The following XXYLT1 variants were observed in gnomAD, a reference collection of about 807,000 sequenced individuals.
XXYLT1 encodes the protein UDP-xylose:alpha-xyloside alpha-1,3-xylosyltransferase.
XXYLT1 carries 20 observed loss-of-function variants against 28.9 expected under a neutral mutation model. The ratio of observed to expected loss-of-function variants is 0.69; its 90% CI spans 0.49 to 1.00. The LOEUF (loss-of-function observed/expected upper bound fraction) is 1.00. XXYLT1 is among the 50% of genes least tolerant of loss of function. XXYLT1 has a pLI of 0.00. For missense variants in XXYLT1, 542 were observed against 560.1 expected (o/e 0.97, Z 0.33); for synonymous variants, 257 against 253.8 (o/e 1.01, Z -0.12).
At chr3:195,177,936 TAAAAAAAAAA>T (rs56022005) in intron 2 of XXYLT1, among the ~76,000 whole-genome samples, 3 of 115,654 alleles carry the variant, frequency 2.6e-5, no homozygotes, top group African/African-American at 3.6e-5. Context: ...CTCTGTCTCT[TAAAAAAAAAA>T]AAAAAAAAAA....
Position 195,226,852 on chromosome 3 carries a change from A to C in XXYLT1, c.509T>G (p.Ile170Ser). 6.2e-7 allele frequency: 1 copy of C among 1,613,398 alleles called. No homozygotes were observed. The highest frequency in any genetic ancestry group is 2.2e-5 in the East Asian group (1 of 44,850). The change falls in exon 2 of 4, where the codon ATC (isoleucine) becomes AGC (serine). Residue 170 changes from isoleucine (I) to serine (S), a missense_variant. Transcript: ENST00000310380. ...CGTCAGCACAGCAACATCGTGGAAG[A>C]TGACCTGCAGCAGGTGCAAAAAAAA... ...PPAAGFKCKVIFHDVAVLTDK... is the reference protein window; with the variant it reads ...PPAAGFKCKVSFHDVAVLTDK...
chr3:195,079,267 T>G (rs1477772091), intron 3 of XXYLT1, among the ~76,000 whole-genome samples: 4 of 151,902 alleles, frequency 2.6e-5, no homozygotes, highest in Non-Finnish European at 4.4e-5. Flanking sequence ...GGGGAGCGTA[T>G]GAACAGCAGA....
intron 2 of XXYLT1, chr3:195,214,677 A>G (rs927746491): frequency 5.9e-5 from 9 of 152,210 alleles, no homozygotes; most frequent in South Asian, 2.1e-4. Context: ...GGAATCTCCA[A>G]TCCTTATCCA....
rs112493079 is a variant in XXYLT1 at position 195,078,368 on chromosome 3, G to T, written c.786-8257C>A. Reference sequence around the variant, plus strand: ...CACTGACAGCCGAGAGGCCCGTAGCGAGTCAGGCCATGGGGGCCTTTTCTG... The same window carrying T: ...CACTGACAGCCGAGAGGCCCGTAGCTAGTCAGGCCATGGGGGCCTTTTCTG... On this transcript the variant is annotated intron_variant, in intron 3 of 3. Coordinates refer to ENST00000310380, the MANE Select transcript of XXYLT1 (RefSeq NM_152531.5). The surrounding 1 kb of genome is among the most constrained non-coding windows in gnomAD (Gnocchi z 5.0). Among the ~76,000 whole-genome samples the T allele has an allele frequency of 6.6e-6, 1 of 152,082 alleles. No individual in the cohort carries two copies. The highest frequency in any genetic ancestry group is 2.1e-4 in the South Asian group (1 of 4,826).
intron 2 of XXYLT1, among the ~76,000 whole-genome samples, chr3:195,213,422 G>A (rs1032052686): frequency 6.6e-5 from 10 of 152,236 alleles, no homozygotes; most frequent in African/African-American, 2.4e-4. Context: ...GCGCCACCAT[G>A]CCCAGCTAAT....
At position 195,107,474 on chromosome 3, in the gene XXYLT1, C is replaced by CAAAA. The variant is rs372671595; in HGVS notation, c.786-37367_786-37364dup. Among the ~76,000 whole-genome samples the CAAAA allele has an allele frequency of 6.6e-5, 3 of 45,708 alleles. 1 individual carries two copies. Among genetic ancestry groups the CAAAA allele is most frequent in the East Asian group, 1.3e-3 (2 of 1,528 alleles). The allele number at this position is 45,708 out of a possible 152,430, so 30.0% of individuals were successfully genotyped here. A position where few individuals can be genotyped will look rare whatever the true frequency, so the allele number is the denominator to read the frequency against. On this transcript the variant is annotated intron_variant, in intron 3 of 3. Coordinates refer to ENST00000310380, the MANE Select transcript of XXYLT1 (RefSeq NM_152531.5). The stretch of plus-strand genomic sequence containing the variant: ...GGGCAACAAGAGCAAAACTCCGTCT[C>CAAAA]AAAAAAAAAAAAAAAAGGAAGAAAG...
intron 2 of XXYLT1, among the ~76,000 whole-genome samples, chr3:195,202,982 G>T (rs1306688219): frequency 6.6e-6 from 1 of 151,942 alleles, no homozygotes; most frequent in Admixed American, 6.6e-5. Context: ...ATTAAAAAAA[G>T]AAATTTTGTA....
chr3:195,184,242 G>C (rs924265120), intron 2 of XXYLT1, among the ~76,000 whole-genome samples: 11 of 152,122 alleles, frequency 7.2e-5, no homozygotes, highest in African/African-American at 2.7e-4. Flanking sequence ...AAGAACAATG[G>C]ACAAGCTTGG....
intron 3 of XXYLT1, among the ~76,000 whole-genome samples, chr3:195,101,163 C>A (rs1193298946): frequency 2.6e-5 from 4 of 152,264 alleles, no homozygotes; most frequent in Non-Finnish European, 4.4e-5. Context: ...AATATGTCAC[C>A]TTCAGAGCCG....
chr3:195,164,902 G>C (rs540428048), intron 2 of XXYLT1, among the ~76,000 whole-genome samples: 3 of 152,028 alleles, frequency 2.0e-5, no homozygotes, highest in Non-Finnish European at 2.9e-5. Flanking sequence ...GATGGAGTCC[G>C]TTATGGGAAG....
intron 2 of XXYLT1, among the ~76,000 whole-genome samples, chr3:195,156,935 C>A (rs1490117849): frequency 6.6e-6 from 1 of 152,048 alleles, no homozygotes; most frequent in Non-Finnish European, 1.5e-5. Context: ...ATGTGGACAC[C>A]CTGCTTCCCT....
intron 3 of XXYLT1, among the ~76,000 whole-genome samples, chr3:195,151,556 T>C (rs1402697338): frequency 1.3e-5 from 2 of 151,810 alleles, no homozygotes; most frequent in Admixed American, 1.3e-4. Flanking sequence ...TAAAAAAATT[T>C]AAATTTCAAT....
At chr3:195,082,049 G>A (rs1715463674) in intron 3 of XXYLT1, among the ~76,000 whole-genome samples, 1 of 152,192 alleles carries the variant, frequency 6.6e-6, no homozygotes, top group Non-Finnish European at 1.5e-5. Context: ...CATTCCAAGT[G>A]CGTGATTACA....
chr3:195,080,858 C>T (rs773276610), intron 3 of XXYLT1, among the ~76,000 whole-genome samples: 2 of 152,244 alleles, frequency 1.3e-5, no homozygotes, highest in African/African-American at 2.4e-5. Flanking sequence ...ACTCCGTGGA[C>T]GTGGCTCACC....
At chr3:195,182,364 A>C (rs1721994762) in intron 2 of XXYLT1, among the ~76,000 whole-genome samples, 1 of 152,236 alleles carries the variant, frequency 6.6e-6, no homozygotes, top group African/African-American at 2.4e-5. Flanking sequence ...AACTACATAA[A>C]GCAACTTGTT....
At chr3:195,109,614 ATGAG>A (rs796455006) in intron 3 of XXYLT1, among the ~76,000 whole-genome samples, 7,075 of 24,902 alleles carry the variant, frequency 0.28, 616 homozygotes, top group African/African-American at 0.43. Context: ...TGTGTGTTGT[ATGAG>A]TGTGTGTGGT....
intron 3 of XXYLT1, among the ~76,000 whole-genome samples, chr3:195,110,430 T>A (rs1717553577): frequency 5.3e-5 from 6 of 113,628 alleles, no homozygotes; most frequent in East Asian, 3.4e-4. Flanking sequence ...GGTGTATGTG[T>A]GCGTGTGTAT....
At position 195,262,922 on chromosome 3, in the gene XXYLT1, G is replaced by A. The variant is rs545255260; in HGVS notation, c.504+7633C>T. ...TCTAAACACTGCCATATAAAATGTC[G>A]GCCTATCTTTTCAAAGAGCCTCTCC... On this transcript the variant is annotated intron_variant, in intron 1 of 3. Transcript: ENST00000310380. Among the ~76,000 whole-genome samples the A allele has an allele frequency of 3.3e-5, 5 of 152,156 alleles. No individual in the cohort carries two copies. In the South Asian group the frequency reaches 8.3e-4, roughly 25 times the overall value.
intron 3 of XXYLT1, 129 bp downstream of exon 3, chr3:195,156,320 G>C: frequency 6.8e-7 from 1 of 1,459,958 alleles, no homozygotes; most frequent in South Asian, 1.3e-5. Context: ...AAGTACCAAT[G>C]TGTTCCCAAG....
Sources: allele counts gnomAD v4.1 joint callset (sites outside exome capture counted in the v4.1 genomes callset), GRCh38; gene constraint gnomAD v4.1.1; non-coding constraint Gnocchi (gnomAD v3.1); transcripts MANE v1.5; gene names NCBI Gene and HGNC (gene_info 2026-07-23, HGNC 2026-07-21).